Variants in SEMA3A observed in about 807,000 individuals in gnomAD.
SEMA3A encodes the protein semaphorin-3A.
In SEMA3A, 29 loss-of-function variants were observed where a neutral mutation model predicts 97.9. The ratio of observed to expected loss-of-function variants is 0.30; its 90% CI spans 0.22 to 0.40. The LOEUF is 0.40. Among genes scored for constraint, SEMA3A ranks in the 10% least tolerant of loss-of-function variants. The pLI, the probability that SEMA3A is intolerant of heterozygous loss-of-function variation, is 1.00. For synonymous variants in SEMA3A, 321 were observed against 323.7 expected (o/e 0.99, Z 0.09); for missense variants, 763 against 951.3 (o/e 0.80, Z 2.60).
intron 3 of SEMA3A, among the ~76,000 whole-genome samples, chr7:84,299,260 C>A (rs371778919): frequency 2.2e-5 from 3 of 137,226 alleles, no homozygotes; most frequent in African/African-American, 5.4e-5. Flanking sequence ...ATATATATAT[C>A]TCCATATATA....
At chr7:84,399,996 A>G (rs1202701698) in intron 1 of SEMA3A, among the ~76,000 whole-genome samples, 1 of 152,194 alleles carries the variant, frequency 6.6e-6, no homozygotes, top group African/African-American at 2.4e-5. Context: ...GAACCTAGGG[A>G]AATCTCCCTC....
At chr7:84,435,099 G>A (rs2116327337) in intron 1 of SEMA3A, among the ~76,000 whole-genome samples, 1 of 152,250 alleles carries the variant, frequency 6.6e-6, no homozygotes, top group South Asian at 2.1e-4. Context: ...TGTATACCTA[G>A]AAATCCCTAA....
At chr7:84,274,674 T>G (rs1045918675) in intron 3 of SEMA3A, among the ~76,000 whole-genome samples, 4 of 152,082 alleles carry the variant, frequency 2.6e-5, no homozygotes, top group African/African-American at 9.7e-5. Flanking sequence ...ATTATATGTA[T>G]TATAAAATAC....
intron 3 of SEMA3A, among the ~76,000 whole-genome samples, chr7:84,123,765 AAT>A (rs34625369): frequency 0.8 from 118,850 of 147,864 alleles, 47,819 homozygotes; most frequent in East Asian, 0.93. Flanking sequence ...CTTATTGTTT[AAT>A]ATATATTATC....
At chr7:84,076,234 A>G (rs994164205) in intron 4 of SEMA3A, among the ~76,000 whole-genome samples, 3 of 152,180 alleles carry the variant, frequency 2.0e-5, no homozygotes, top group Admixed American at 6.5e-5. Context: ...TTAAGCAGCT[A>G]TTAGCCAAGA....
intron 1 of SEMA3A, among the ~76,000 whole-genome samples, chr7:84,432,214 T>C (rs530835725): frequency 4.6e-5 from 7 of 152,070 alleles, no homozygotes; most frequent in African/African-American, 1.7e-4. Context: ...AATGTAGAAG[T>C]GACAGGACAA....
chr7:84,462,780 A>G (rs1379355135), intron 1 of SEMA3A, among the ~76,000 whole-genome samples: 1 of 152,164 alleles, frequency 6.6e-6, no homozygotes, highest in Admixed American at 6.5e-5. Flanking sequence ...AAAATTGTCG[A>G]GAAAGAATAT....
chr7:83,969,674 T>C (rs1788844735), intron 15 of SEMA3A, among the ~76,000 whole-genome samples: 1 of 152,246 alleles, frequency 6.6e-6, no homozygotes, highest in African/African-American at 2.4e-5. Flanking sequence ...GAATACTTTA[T>C]TGAACTGCTG....
chr7:84,212,502 A>G (rs1798654255), intron 3 of SEMA3A, among the ~76,000 whole-genome samples: 1 of 151,544 alleles, frequency 6.6e-6, no homozygotes, highest in Non-Finnish European at 1.5e-5. Flanking sequence ...TTAGGTTGCT[A>G]TAACAAATGA....
chr7:84,137,716 C>T (rs1386747101), intron 1 of SEMA3A, among the ~76,000 whole-genome samples: 3 of 141,740 alleles, frequency 2.1e-5, no homozygotes. Flanking sequence ...AAAAAAGCCA[C>T]CTCAGCCTAA....
intron 1 of SEMA3A, among the ~76,000 whole-genome samples, chr7:84,175,493 T>C (rs899775510): frequency 6.6e-6 from 1 of 152,220 alleles, no homozygotes; most frequent in African/African-American, 2.4e-5. Flanking sequence ...TGGGGCATCC[T>C]GAGTGTCAGC....
At chr7:83,983,790 G>A (rs1299050779) in intron 13 of SEMA3A, among the ~76,000 whole-genome samples, 2 of 152,104 alleles carry the variant, frequency 1.3e-5, no homozygotes, top group East Asian at 3.9e-4. Context: ...TGCTTTTTCT[G>A]CCCAATTTAA....
intron 4 of SEMA3A, among the ~76,000 whole-genome samples, chr7:84,087,487 A>T (rs539296096): frequency 3.3e-5 from 5 of 152,184 alleles, no homozygotes; most frequent in Admixed American, 3.3e-4. Flanking sequence ...TGGTGCTTAC[A>T]GTATTGTAGG....
intron 3 of SEMA3A, among the ~76,000 whole-genome samples, chr7:84,119,082 A>T (rs1795521522): frequency 6.6e-6 from 1 of 152,174 alleles, no homozygotes; most frequent in African/African-American, 2.4e-5. Context: ...TTACTTCTAA[A>T]TATGAATGAT....
chr7:84,486,609 A>G (rs1313535339), intron 1 of SEMA3A, among the ~76,000 whole-genome samples: 1 of 152,190 alleles, frequency 6.6e-6, no homozygotes, highest in East Asian at 1.9e-4. Context: ...GAGTATTCAC[A>G]CAAATGTTGC....
rs117968408 is a variant in SEMA3A at position 84,345,865 on chromosome 7, A to C, written c.-169+25959T>G. Reference sequence around the variant, plus strand: ...ATATTTTAACCTCCTCCCATGAACTACAAATGTTCTTAATGACATGTAAAA... The same window carrying C: ...ATATTTTAACCTCCTCCCATGAACTCCAAATGTTCTTAATGACATGTAAAA... On this transcript the variant is annotated intron_variant, in intron 2 of 3. Coordinates refer to the SEMA3A transcript ENST00000424555. Among the ~76,000 whole-genome samples the C allele has an allele frequency of 2.8e-3, 420 of 152,312 alleles. 2 individuals carry two copies. Among genetic ancestry groups the C allele is most frequent in the Middle Eastern group, 0.02 (6 of 294 alleles).
intron 3 of SEMA3A, among the ~76,000 whole-genome samples, chr7:84,250,095 T>C (rs1289013183): frequency 6.6e-6 from 1 of 152,032 alleles, no homozygotes; most frequent in Non-Finnish European, 1.5e-5. Context: ...GAAAATCTTA[T>C]AATCAGTTAC....
At chr7:84,403,622 C>A (rs1803973056) in intron 1 of SEMA3A, among the ~76,000 whole-genome samples, 1 of 152,186 alleles carries the variant, frequency 6.6e-6, no homozygotes. Context: ...GACCCCCGAG[C>A]AGCCTAACTG....
intron 1 of SEMA3A, among the ~76,000 whole-genome samples, chr7:84,177,104 G>C (rs2116224200): frequency 6.6e-6 from 1 of 152,232 alleles, no homozygotes; most frequent in South Asian, 2.1e-4. Flanking sequence ...TAAAGCTCAT[G>C]CATCTACAAG....
Sources: gnomAD v4.1 joint callset for allele counts (sites outside exome capture counted in the v4.1 genomes callset) on GRCh38, gnomAD v4.1.1 for gene constraint, MANE v1.5 for transcripts, NCBI Gene and HGNC (gene_info 2026-07-23, HGNC 2026-07-21) for gene names.